The following SLC1A7 variants were observed in gnomAD, a reference collection of about 807,000 sequenced individuals.
The protein encoded by SLC1A7 is excitatory amino acid transporter 5.
A neutral mutation model predicts 47.7 loss-of-function variants in SLC1A7; 40 were observed. That is an observed-to-expected ratio of 0.84 (90% CI 0.65 to 1.09). The LOEUF is 1.09. SLC1A7 is among the 50% of genes least tolerant of loss of function. The probability of loss-of-function intolerance (pLI) is 0.00; values close to 1 mark genes in which losing one functional copy is unlikely to be tolerated. For missense variants in SLC1A7, 746 were observed against 769.5 expected (o/e 0.97, Z 0.36); for synonymous variants, 323 against 325.6 (o/e 0.99, Z 0.09).
chr1:53,141,319 C>G (rs1331796028), intron 1 of SLC1A7, among the ~76,000 whole-genome samples: 1 of 152,014 alleles, frequency 6.6e-6, no homozygotes, highest in African/African-American at 2.4e-5. Flanking sequence ...GTCCCCGACC[C>G]CCTCCCTCTG....
At chr1:53,090,554 G>T (rs1214608284) in intron 8 of SLC1A7, 58 bp downstream of exon 8, 1 of 1,478,596 alleles carries the variant, frequency 6.8e-7, no homozygotes, top group East Asian at 2.4e-5. Flanking sequence ...GGGAGCCTGG[G>T]AATCCCCAAG....
chr1:53,131,395 A>G (rs1271160283), intron 2 of SLC1A7, among the ~76,000 whole-genome samples: 1 of 152,226 alleles, frequency 6.6e-6, no homozygotes, highest in African/African-American at 2.4e-5. Context: ...GTGTGACACC[A>G]GGGTCCATAC....
At position 53,105,201 on chromosome 1, in the gene SLC1A7, C is replaced by T. The variant is rs559689684; in HGVS notation, c.474+531G>A. Among the ~76,000 whole-genome samples the T allele has an allele frequency of 1.1e-4, 17 of 152,192 alleles. 1 individual carries two copies. In the South Asian group the frequency reaches 2.7e-3, roughly 24 times the overall value. On this transcript the variant is annotated intron_variant, in intron 4 of 10. Coordinates refer to ENST00000371494, the MANE Select transcript of SLC1A7 (RefSeq NM_006671.6). ...TAGAACTAGAGATGATTTTTGTTTT[C>T]TACTTTATATTGTTTGGTATTTTCC...
chr1:53,125,943 G>A (rs1269925595), intron 2 of SLC1A7, among the ~76,000 whole-genome samples: 1 of 152,220 alleles, frequency 6.6e-6, no homozygotes, highest in African/African-American at 2.4e-5. Flanking sequence ...GTACAGGGGA[G>A]TAGGACCATA....
chr1:53,142,289 G>A lies in SLC1A7; in HGVS notation c.135+26C>T, dbSNP rs535918889. The A allele has an allele frequency of 1.8e-5, 28 of 1,549,532 alleles. No individual in the cohort carries two copies. In the South Asian group the frequency reaches 3.0e-4, roughly 17 times the overall value. ...GCCCACACGCCCCTCCTGGACAGGG[G>A]TCCCGAGATGCTCTGGGTGGCTGAC... On this transcript the variant is annotated intron_variant, in intron 1 of 10. Transcript: ENST00000371494.
At chr1:53,105,674 G>A (rs1211252768) in intron 4 of SLC1A7, 58 bp downstream of exon 4, 3 of 1,325,578 alleles carry the variant, frequency 2.3e-6, no homozygotes, top group African/African-American at 2.9e-5. Context: ...TAGCCCTGCT[G>A]CCTGCCCTCC....
At chr1:53,102,873 G>A (rs534105939) in intron 5 of SLC1A7, 4 of 154,290 alleles carry the variant, frequency 2.6e-5, no homozygotes, top group African/African-American at 7.2e-5. Context: ...GCATGAACGA[G>A]GTTGGTGAGG....
chr1:53,124,479 G>A (rs547867680), intron 2 of SLC1A7, among the ~76,000 whole-genome samples: 1 of 152,350 alleles, frequency 6.6e-6, no homozygotes, highest in East Asian at 1.9e-4. Context: ...AGCAAGTGGA[G>A]AATTGGAGGC....
chr1:53,128,346 G>A lies in SLC1A7; in HGVS notation c.215+6004C>T, dbSNP rs113488492. ...TAAAAAATTAGCTGGGCATGGTGGCGTGTGCCTGTAGTCCCAGCTAATTGG... is the reference window on the plus strand; with the variant it reads ...TAAAAAATTAGCTGGGCATGGTGGCATGTGCCTGTAGTCCCAGCTAATTGG... On this transcript the variant is annotated intron_variant, in intron 2 of 10. Coordinates refer to ENST00000371494, the MANE Select transcript of SLC1A7 (RefSeq NM_006671.6). 4.8e-3 allele frequency among the ~76,000 whole-genome samples: 726 copies of A among 152,264 alleles called. 7 individuals carry two copies. Among genetic ancestry groups the A allele is most frequent in the African/African-American group, 0.016 (670 of 41,540 alleles).
chr1:53,089,980 TGCATTGTCAGGGTCTG>T, intron 8 of SLC1A7, 46 bp from the exon 9 acceptor site: 1 of 1,606,610 alleles, frequency 6.2e-7, no homozygotes, highest in Non-Finnish European at 8.5e-7. Context: ...AGGGGCAGGG[TGCATTGTCAGGGTCTG>T]GCTCCAAGGA....
intron 4 of SLC1A7, 123 bp downstream of exon 4, chr1:53,105,609 C>A: frequency 1.2e-6 from 1 of 820,008 alleles, no homozygotes; most frequent in Non-Finnish European, 2.1e-6. Flanking sequence ...TAGCATCCCA[C>A]CTCCAGCAGA....
chr1:53,141,420 C>A (rs1645055335), intron 1 of SLC1A7, among the ~76,000 whole-genome samples: 1 of 152,054 alleles, frequency 6.6e-6, no homozygotes, highest in African/African-American at 2.4e-5. Flanking sequence ...TACCCCCCTA[C>A]CACAATAGTC....
intron 4 of SLC1A7, among the ~76,000 whole-genome samples, chr1:53,105,382 G>A (rs1196169620): frequency 6.6e-6 from 1 of 152,052 alleles, no homozygotes; most frequent in African/African-American, 2.4e-5. Context: ...TTGACTCCTC[G>A]GAGCCTCAGT....
chr1:53,093,813 C>T (rs1235534542), intron 5 of SLC1A7, among the ~76,000 whole-genome samples: 1 of 152,196 alleles, frequency 6.6e-6, no homozygotes, highest in African/African-American at 2.4e-5. Flanking sequence ...GCCAAGTGCA[C>T]CCCTGGCTTC....
intron 3 of SLC1A7, among the ~76,000 whole-genome samples, chr1:53,111,522 C>T (rs896397909): frequency 7.2e-5 from 11 of 151,914 alleles, no homozygotes; most frequent in Admixed American, 7.2e-4. Context: ...GCGGCAATGG[C>T]GGGAGTGGCA....
At chr1:53,101,796 C>A (rs1311915320) in intron 5 of SLC1A7, among the ~76,000 whole-genome samples, 2 of 151,398 alleles carry the variant, frequency 1.3e-5, no homozygotes, top group Non-Finnish European at 2.9e-5. Flanking sequence ...CACACCCTAC[C>A]TTGGTACACT....
chr1:53,139,949 A>G (rs1341332764), intron 1 of SLC1A7, among the ~76,000 whole-genome samples: 2 of 152,176 alleles, frequency 1.3e-5, no homozygotes, highest in African/African-American at 4.8e-5. Flanking sequence ...TCATACACCA[A>G]GATAAAATCC....
intron 6 of SLC1A7, among the ~76,000 whole-genome samples, chr1:53,093,123 C>G (rs982013230): frequency 6.6e-6 from 1 of 152,184 alleles, no homozygotes; most frequent in Non-Finnish European, 1.5e-5. Flanking sequence ...AACTGTGGGC[C>G]GAGGACTCTG....
chr1:53,117,202 GA>G (rs1644771710), intron 2 of SLC1A7, among the ~76,000 whole-genome samples: 2 of 152,206 alleles, frequency 1.3e-5, no homozygotes, highest in East Asian at 1.9e-4. Context: ...AGGGAGGCTG[GA>G]AAGTGTGAGA....
Sources: allele counts gnomAD v4.1 joint callset (sites outside exome capture counted in the v4.1 genomes callset), GRCh38; gene constraint gnomAD v4.1.1; transcripts MANE v1.5; gene names NCBI Gene and HGNC (gene_info 2026-07-23, HGNC 2026-07-21).